NAA35: variants seen among roughly 807,000 people sequenced by gnomAD.
The protein encoded by NAA35 is N-alpha-acetyltransferase 35, NatC auxiliary subunit.
A neutral mutation model predicts 101.7 loss-of-function variants in NAA35; 18 were observed. That is an observed-to-expected ratio of 0.18 (90% CI 0.12 to 0.26). The LOEUF (loss-of-function observed/expected upper bound fraction) is 0.26. Ranked by LOEUF, NAA35 falls within the 10% of genes least tolerant of loss-of-function variation. The pLI is 1.00. For synonymous variants in NAA35, 267 were observed against 273.1 expected, an observed-to-expected ratio of 0.98 and a Z score of 0.22; for missense variants, 601 against 886.8, an observed-to-expected ratio of 0.68 and a Z score of 4.09.
At chr9:86,021,807 A>C in intron 22 of NAA35, 94 bp from the exon 23 acceptor site, 2 of 1,049,962 alleles carry the variant, frequency 1.9e-6, no homozygotes, top group Non-Finnish European at 2.8e-6. Context: ...TGTTTCTAAG[A>C]ACACAAGAAA....
intron 2 of NAA35, among the ~76,000 whole-genome samples, chr9:85,955,957 T>C (rs951557230): frequency 2.6e-5 from 4 of 152,224 alleles, no homozygotes; most frequent in Admixed American, 6.5e-5. Context: ...GTTTTGACAC[T>C]GTTACTGGAA....
chr9:85,947,534 C>T (rs1323273220), intron 2 of NAA35, among the ~76,000 whole-genome samples: 1 of 152,128 alleles, frequency 6.6e-6, no homozygotes, highest in Non-Finnish European at 1.5e-5. Context: ...AGATGGCCAG[C>T]GCTGGCATTT....
In NAA35 at chr9:85,985,409, T is replaced by C. The variant is rs138870348; in HGVS notation, c.877+7028T>C. Reference sequence around the variant, plus strand: ...ATAAAATGGTATATCCATGTAGTGGTGTATTATTTGTCAACAAAAAGAAAT... The same window carrying C: ...ATAAAATGGTATATCCATGTAGTGGCGTATTATTTGTCAACAAAAAGAAAT... On this transcript the variant is annotated intron_variant, in intron 11 of 22. Transcript: ENST00000361671. Among the ~76,000 whole-genome samples, 22 of 152,338 alleles carry C rather than the reference T, an allele frequency of 1.4e-4. No individual in the cohort carries two copies. In the East Asian group the frequency reaches 4.2e-3, roughly 29 times the overall value.
rs538957415 is a variant in NAA35 at position 85,993,665 on chromosome 9, G to C, written c.878-2734G>C. 1.6e-3 allele frequency among the ~76,000 whole-genome samples: 249 copies of C among 152,148 alleles called. 2 individuals carry two copies. Among genetic ancestry groups the C allele is most frequent in the African/African-American group, 5.8e-3 (240 of 41,516 alleles). ...AATGTTTGTATTGTATGTGAATTGC[G>C]CCTCAATAAAATTAGAAAAGGGAAG... On this transcript the variant is annotated intron_variant, in intron 11 of 22. Coordinates refer to ENST00000361671, the MANE Select transcript of NAA35 (RefSeq NM_024635.4).
intron 13 of NAA35, among the ~76,000 whole-genome samples, chr9:86,004,000 G>T (rs1259495458): frequency 1.3e-5 from 2 of 152,168 alleles, no homozygotes; most frequent in East Asian, 1.9e-4. Flanking sequence ...GAGGTCTTGA[G>T]GGGAGTTCAA....
At chr9:86,007,514 G>C in intron 14 of NAA35, 50 bp downstream of exon 14, 1 of 1,381,970 alleles carries the variant, frequency 7.2e-7, no homozygotes, top group East Asian at 2.3e-5. Flanking sequence ...TCCTTTAAAA[G>C]CCCAACTTCT....
At chr9:85,962,869 A>G (rs1225377441) in intron 6 of NAA35, among the ~76,000 whole-genome samples, 1 of 152,204 alleles carries the variant, frequency 6.6e-6, no homozygotes, top group Admixed American at 6.5e-5. Context: ...TGAATATTTT[A>G]GGGTATAGAC....
In NAA35 at chr9:85,978,644, G is replaced by C. The variant is rs375508324; in HGVS notation, c.877+263G>C. On this transcript the variant is annotated intron_variant, in intron 11 of 22. Coordinates refer to ENST00000361671, the MANE Select transcript of NAA35 (RefSeq NM_024635.4). Reference sequence around the variant, plus strand: ...TGTCCATGCTGTGATGTTACAGTCTGGCAGCTTCTTCTTGCTGCCCAGAAA... The same window carrying C: ...TGTCCATGCTGTGATGTTACAGTCTCGCAGCTTCTTCTTGCTGCCCAGAAA... 9.2e-5 allele frequency among the ~76,000 whole-genome samples: 14 copies of C among 152,160 alleles called. No individual in the cohort carries two copies. The South Asian group carries it at 2.1e-3, about 23-fold the overall frequency.
At position 86,016,934 on chromosome 9, in the gene NAA35, C is replaced by T. The variant is rs533959543; in HGVS notation, c.1705+259C>T. 2.4e-4 allele frequency among the ~76,000 whole-genome samples: 37 copies of T among 152,278 alleles called. 2 individuals are homozygous for T. In the South Asian group the frequency reaches 6.6e-3, roughly 27 times the overall value. On this transcript the variant is annotated intron_variant, in intron 18 of 22. Coordinates refer to ENST00000361671, the MANE Select transcript of NAA35 (RefSeq NM_024635.4). ...CACGTGGAGTGTGCAAGCAAGATAT[C>T]GGTGAGGGAACAAGACAGCAGGAGG...
At chr9:85,951,944 T>G (rs1829036673) in intron 2 of NAA35, among the ~76,000 whole-genome samples, 1 of 152,208 alleles carries the variant, frequency 6.6e-6, no homozygotes, top group South Asian at 2.1e-4. Flanking sequence ...ATTACGGGCG[T>G]GAGCCACTGC....
At chr9:86,020,389 T>G (rs1832466654) in intron 21 of NAA35, among the ~76,000 whole-genome samples, 1 of 152,174 alleles carries the variant, frequency 6.6e-6, no homozygotes. Flanking sequence ...GCCTAATTTT[T>G]TTGTTATTCA....
Position 85,958,456 on chromosome 9 carries a change from AT to A in NAA35, c.159-9del. 1 of 1,556,444 alleles carries A rather than the reference AT, an allele frequency of 6.4e-7. No homozygotes were observed. The highest frequency in any genetic ancestry group is 1.2e-5 in the South Asian group (1 of 86,418). On this transcript the variant is annotated splice_polypyrimidine_tract_variant and intron_variant, in intron 3 of 22. Transcript: ENST00000361671. The stretch of plus-strand genomic sequence containing the variant: ...GGCTCAAAAACAATTTGTTGGCTCA[AT>A]TTTTTTATTTGCAGATTTGGTCTTT...
chr9:85,996,350 A>T, intron 11 of NAA35, 49 bp from the exon 12 acceptor site: 7 of 1,316,274 alleles, frequency 5.3e-6, no homozygotes, highest in Non-Finnish European at 7.3e-6. Flanking sequence ...TTGCAGTTTA[A>T]AATTCAGAGA....
intron 8 of NAA35, among the ~76,000 whole-genome samples, chr9:85,975,425 C>T (rs931710023): frequency 6.6e-6 from 1 of 152,082 alleles, no homozygotes; most frequent in East Asian, 1.9e-4. Context: ...GGTTCCAGGA[C>T]CCCTGTGAAT....
intron 11 of NAA35, among the ~76,000 whole-genome samples, chr9:85,991,067 G>A (rs1176998015): frequency 6.6e-6 from 1 of 152,162 alleles, no homozygotes; most frequent in East Asian, 1.9e-4. Flanking sequence ...GCTGAGCTTG[G>A]GGTGCCTGAG....
At chr9:86,005,913 C>G (rs543116311) in intron 13 of NAA35, among the ~76,000 whole-genome samples, 18 of 152,112 alleles carry the variant, frequency 1.2e-4, no homozygotes, top group South Asian at 2.1e-4. Context: ...TGGCTCACGC[C>G]TGTAATCCCA....
Position 85,983,826 on chromosome 9 carries a change from CAAAA to C in NAA35, c.877+5447_877+5450del, listed in dbSNP as rs1039257592. Among the ~76,000 whole-genome samples, 67 of 151,376 alleles carry C rather than the reference CAAAA, an allele frequency of 4.4e-4. 2 individuals carry two copies. Among genetic ancestry groups the C allele is most frequent in the African/African-American group, 1.6e-3 (66 of 41,192 alleles). ...ACTTAAAATAGAAGAGCAGAAATGACAAAAATAAGTAGGAAGTTTAGAATACAAA... is the reference window on the plus strand; with the variant it reads ...ACTTAAAATAGAAGAGCAGAAATGACATAAGTAGGAAGTTTAGAATACAAA... On this transcript the variant is annotated intron_variant, in intron 11 of 22. Coordinates refer to ENST00000361671, the MANE Select transcript of NAA35 (RefSeq NM_024635.4).
chr9:85,995,561 G>A (rs1007495595), intron 11 of NAA35, among the ~76,000 whole-genome samples: 1 of 151,998 alleles, frequency 6.6e-6, no homozygotes, highest in Non-Finnish European at 1.5e-5. Flanking sequence ...TTATAATATG[G>A]TTGTCAGTCT....
At chr9:85,983,585 C>T (rs1016854728) in intron 11 of NAA35, among the ~76,000 whole-genome samples, 10 of 150,998 alleles carry the variant, frequency 6.6e-5, no homozygotes, top group Non-Finnish European at 1.2e-4. Flanking sequence ...AAAATCAGTA[C>T]GTATGTAAAA....
Sources: gnomAD v4.1 joint callset for allele counts (sites outside exome capture counted in the v4.1 genomes callset) on GRCh38, gnomAD v4.1.1 for gene constraint, MANE v1.5 for transcripts, NCBI Gene and HGNC (gene_info 2026-07-23, HGNC 2026-07-21) for gene names.